Variants in RFC3 observed in about 807,000 individuals in gnomAD.
The protein encoded by RFC3 is A1 38 kDa subunit.
A neutral mutation model predicts 45.1 loss-of-function variants in RFC3; 41 were observed. That is an observed-to-expected ratio of 0.91 (90% CI 0.71 to 1.18). The LOEUF (loss-of-function observed/expected upper bound fraction) is 1.18. RFC3 is among the 50% of genes most tolerant of loss of function. The pLI, the probability that RFC3 is intolerant of heterozygous loss-of-function variation, is 0.00. For missense variants in RFC3, 423 were observed against 428.1 expected (o/e 0.99, Z 0.10); for synonymous variants, 149 against 144.0 (o/e 1.03, Z -0.25).
chr13:33,913,136 C>A (rs2082712964), intron 8 of RFC3, among the ~76,000 whole-genome samples: 1 of 151,996 alleles, frequency 6.6e-6, no homozygotes, highest in South Asian at 2.1e-4. Flanking sequence ...ATAAAGCAGG[C>A]CAGTGAAAAT....
At chr13:33,888,139 A>G (rs2082538785) in intron 8 of RFC3, among the ~76,000 whole-genome samples, 1 of 152,160 alleles carries the variant, frequency 6.6e-6, no homozygotes, top group South Asian at 2.1e-4. Context: ...TATGAACTTT[A>G]AAGTAGTTTT....
At chr13:33,949,661 C>T (rs1403076725) in intron 8 of RFC3, among the ~76,000 whole-genome samples, 2 of 152,030 alleles carry the variant, frequency 1.3e-5, no homozygotes, top group Non-Finnish European at 2.9e-5. Flanking sequence ...TTGATTAGGC[C>T]GCAGAGTGCC....
chr13:33,818,562 C>T (rs996363246), intron 1 of RFC3, among the ~76,000 whole-genome samples: 1 of 152,198 alleles, frequency 6.6e-6, no homozygotes, highest in African/African-American at 2.4e-5. Context: ...GCAAAATTCC[C>T]GGGCAGGGAT....
intron 8 of RFC3, 100 bp from the exon 9 acceptor site, chr13:33,836,004 G>A (rs2082150645): frequency 3.4e-6 from 4 of 1,193,494 alleles, no homozygotes; most frequent in Non-Finnish European, 3.5e-6. Flanking sequence ...CACATATAAA[G>A]AGAGTATGTT....
At chr13:33,950,072 T>TACAC (rs71196530) in intron 8 of RFC3, among the ~76,000 whole-genome samples, 7,461 of 144,842 alleles carry the variant, frequency 0.052, 213 homozygotes, top group Middle Eastern at 0.1. Flanking sequence ...TCTCTCGCTC[T>TACAC]ACACACACAC....
At chr13:33,887,514 C>G (rs1435561557) in intron 8 of RFC3, among the ~76,000 whole-genome samples, 4 of 151,994 alleles carry the variant, frequency 2.6e-5, no homozygotes, top group Admixed American at 2.6e-4. Context: ...TGTTTGAGTT[C>G]ATTGTAGATT....
At chr13:33,901,231 G>T (rs1243257655) in intron 8 of RFC3, among the ~76,000 whole-genome samples, 1 of 151,946 alleles carries the variant, frequency 6.6e-6, no homozygotes, top group Admixed American at 6.6e-5. Context: ...TTGAGGAAAT[G>T]TCTGCATTCT....
chr13:33,973,237 C>T, the RFC3 span, among the ~76,000 whole-genome samples: 10 of 152,006 alleles, frequency 6.6e-5, no homozygotes, highest in Non-Finnish European at 2.9e-5. Flanking sequence ...TGAGAGATCC[C>T]TATGGAAAGA....
At chr13:33,847,690 T>G (rs935548452) in intron 8 of RFC3, 1 of 152,232 alleles carries the variant, frequency 6.6e-6, no homozygotes, top group Non-Finnish European at 1.5e-5. Flanking sequence ...CTACATTTTC[T>G]TAGTTTGCAA....
At chr13:33,930,914 A>G (rs917900177) in intron 8 of RFC3, among the ~76,000 whole-genome samples, 3 of 152,126 alleles carry the variant, frequency 2.0e-5, no homozygotes, top group Non-Finnish European at 2.9e-5. Context: ...ATCATTTGGT[A>G]TAATCTATCA....
intron 8 of RFC3, among the ~76,000 whole-genome samples, chr13:33,897,472 T>C (rs2082608112): frequency 6.6e-6 from 1 of 150,970 alleles, no homozygotes; most frequent in African/African-American, 2.4e-5. Context: ...AGGGAAAAAA[T>C]TACTTAACCA....
At chr13:33,904,748 C>T (rs1029716792) in intron 8 of RFC3, among the ~76,000 whole-genome samples, 5 of 152,060 alleles carry the variant, frequency 3.3e-5, no homozygotes, top group Non-Finnish European at 7.4e-5. Flanking sequence ...CCACATTTAA[C>T]ATGCCCACGT....
At chr13:33,850,633 A>G (rs903545905) in intron 8 of RFC3, 19 of 152,210 alleles carry the variant, frequency 1.2e-4, no homozygotes, top group Admixed American at 2.6e-4. Context: ...AGTACAATAT[A>G]TATTGACTTA....
intron 8 of RFC3, among the ~76,000 whole-genome samples, chr13:33,941,035 A>G (rs1233463396): frequency 2.6e-5 from 4 of 152,150 alleles, no homozygotes; most frequent in Admixed American, 2.6e-4. Context: ...AGATGAGGAA[A>G]CCTGCCCAGG....
Position 33,821,282 on chromosome 13 carries a change from C to T in RFC3, c.225+13C>T. ...TCAGACCATCACAGTAAGCATTTCACTTTGAGGCCCTGAAAGTAATTTATA... is the reference window on the plus strand; with the variant it reads ...TCAGACCATCACAGTAAGCATTTCATTTTGAGGCCCTGAAAGTAATTTATA... On this transcript the variant is annotated intron_variant, in intron 2 of 8. Coordinates refer to ENST00000380071, the MANE Select transcript of RFC3 (RefSeq NM_002915.4). 6.2e-7 allele frequency: 1 copy of T among 1,611,896 alleles called. No homozygotes were observed. Among genetic ancestry groups the T allele is most frequent in the Non-Finnish European group, 8.5e-7 (1 of 1,178,472 alleles).
chr13:33,975,641 AG>A, the RFC3 span, among the ~76,000 whole-genome samples: 1 of 152,182 alleles, frequency 6.6e-6, no homozygotes, highest in Non-Finnish European at 1.5e-5. Flanking sequence ...TGATGGGCAT[AG>A]GAGTAAAGGT....
intron 8 of RFC3, among the ~76,000 whole-genome samples, chr13:33,894,654 G>T (rs555774115): frequency 2.0e-5 from 3 of 152,260 alleles, no homozygotes; most frequent in Admixed American, 6.5e-5. Flanking sequence ...GCAATTTTGG[G>T]TTCTGAGCGC....
chr13:33,900,967 A>G (rs2082637521), intron 8 of RFC3, among the ~76,000 whole-genome samples: 1 of 151,938 alleles, frequency 6.6e-6, no homozygotes, highest in Non-Finnish European at 1.5e-5. Context: ...TAATCATCGA[A>G]GAAATGCAAA....
chr13:33,914,021 T>C (rs969197971), intron 8 of RFC3, among the ~76,000 whole-genome samples: 1 of 152,092 alleles, frequency 6.6e-6, no homozygotes, highest in African/African-American at 2.4e-5. Context: ...AGATGGCCAA[T>C]CAATAGTAGA....
Sources: allele counts gnomAD v4.1 joint callset (sites outside exome capture counted in the v4.1 genomes callset), GRCh38; gene constraint gnomAD v4.1.1; transcripts MANE v1.5; gene names NCBI Gene and HGNC (gene_info 2026-07-23, HGNC 2026-07-21).